The following THSD4 variants were observed in gnomAD, a reference collection of about 807,000 sequenced individuals.
THSD4 encodes the protein thrombospondin type 1 domain containing 4.
In THSD4, 69 loss-of-function variants were observed where a neutral mutation model predicts 119.0. The observed-to-expected ratio is 0.58, with a 90% CI of 0.48 to 0.71. The LOEUF (loss-of-function observed/expected upper bound fraction) is 0.71. Among genes scored for constraint, THSD4 ranks in the 30% least tolerant of loss-of-function variants. The pLI is 0.00. For synonymous variants in THSD4, 524 were observed against 540.4 expected, an observed-to-expected ratio of 0.97 and a Z score of 0.42; for missense variants, 1,393 against 1,391.1, an observed-to-expected ratio of 1.00 and a Z score of -0.02.
intron 8 of THSD4, among the ~76,000 whole-genome samples, chr15:71,716,590 G>GTT (rs11433832): frequency 0.022 from 3,190 of 143,730 alleles, 99 homozygotes; most frequent in African/African-American, 0.071. Flanking sequence ...GTTGGTTTTT[G>GTT]TTTTTTTTTT....
At position 71,115,837 on chromosome 15, in the gene THSD4, G is replaced by T. The variant is rs990112962; in HGVS notation, c.-80+139G>T. 6.6e-6 allele frequency: 1 copy of T among 151,486 alleles called. No homozygotes were observed. The highest frequency in any genetic ancestry group is 1.5e-5 in the Non-Finnish European group (1 of 67,806). 9.4% of individuals were successfully genotyped at this position (151,486 alleles called of 1,614,324 possible). A position where few individuals can be genotyped will look rare whatever the true frequency, so the allele number is the denominator to read the frequency against. On this transcript the variant is annotated intron_variant, in intron 1 of 17. Coordinates refer to ENST00000261862, the MANE Select transcript of THSD4 (RefSeq NM_024817.3). The surrounding 1 kb of genome is among the most constrained non-coding windows in gnomAD (Gnocchi z 4.4). The stretch of plus-strand genomic sequence containing the variant: ...GGGCTACCCAGTGGGTGTGTCCGGG[G>T]CGCCGCGGGCTGCGCCGCTCCGGGC...
At chr15:71,575,016 G>A (rs1325528900) in intron 7 of THSD4, among the ~76,000 whole-genome samples, 1 of 152,112 alleles carries the variant, frequency 6.6e-6, no homozygotes, top group Non-Finnish European at 1.5e-5. Flanking sequence ...GCCGTATATA[G>A]AGGAAGTTAT....
intron 5 of THSD4, among the ~76,000 whole-genome samples, chr15:71,250,378 T>A (rs1331126370): frequency 3.3e-5 from 5 of 152,204 alleles, no homozygotes; most frequent in Admixed American, 2.0e-4. Context: ...CACTGTGTTG[T>A]CCAGGTTGGA....
chr15:71,689,547 C>T (rs1348575489), intron 8 of THSD4, among the ~76,000 whole-genome samples: 1 of 152,180 alleles, frequency 6.6e-6, no homozygotes, highest in Admixed American at 6.5e-5. Context: ...ATCAGTAACC[C>T]ACAAAGGAGA....
chr15:71,728,380 A>T (rs1255972985), intron 8 of THSD4, among the ~76,000 whole-genome samples, 169 bp from the exon 9 acceptor site: 2 of 152,170 alleles, frequency 1.3e-5, no homozygotes, highest in Non-Finnish European at 2.9e-5. Flanking sequence ...GCCCAAGGGG[A>T]TGTAATCTAG....
intron 6 of THSD4, among the ~76,000 whole-genome samples, chr15:71,408,888 T>G (rs1432052391): frequency 6.6e-6 from 1 of 152,116 alleles, no homozygotes; most frequent in East Asian, 1.9e-4. Context: ...GGGTAGGAAG[T>G]CTATGCAGGG....
intron 4 of THSD4, among the ~76,000 whole-genome samples, chr15:71,234,166 A>G (rs941128311): frequency 5.3e-5 from 8 of 152,176 alleles, no homozygotes; most frequent in Non-Finnish European, 7.3e-5. Context: ...CATCCTAGTC[A>G]GGTGCTATGT....
At chr15:71,123,898 C>T (rs1184182915) in intron 1 of THSD4, among the ~76,000 whole-genome samples, 1 of 152,230 alleles carries the variant, frequency 6.6e-6, no homozygotes, top group Non-Finnish European at 1.5e-5. Context: ...GATATGGTCT[C>T]AAAACACATA....
rs71154789 is a variant in THSD4, at chr15:71,584,262, C to CTTTTTTTTTT, written c.1153-76254_1153-76245dup. On this transcript the variant is annotated intron_variant, in intron 7 of 17. Transcript: ENST00000261862. ...TCACGTGGATTTTTTTTTTCACTTT[C>CTTTTTTTTTT]TTTTTTTTTTTTTTTTTTTTTTTGA... Among the ~76,000 whole-genome samples, 509 of 61,798 alleles carry CTTTTTTTTTT rather than the reference C, an allele frequency of 8.2e-3. 26 individuals carry two copies. Among genetic ancestry groups the CTTTTTTTTTT allele is most frequent in the Non-Finnish European group, 0.011 (412 of 36,400 alleles). The allele number at this position is 61,798 out of a possible 152,430, so 40.5% of individuals were successfully genotyped here.
intron 7 of THSD4, among the ~76,000 whole-genome samples, chr15:71,481,266 C>T (rs979711603): frequency 2.6e-5 from 4 of 152,158 alleles, no homozygotes; most frequent in African/African-American, 7.2e-5. Flanking sequence ...TTTTGGAATA[C>T]TATATTATTA....
At chr15:71,756,518 C>T (rs2053541445) in intron 14 of THSD4, among the ~76,000 whole-genome samples, 3 of 152,198 alleles carry the variant, frequency 2.0e-5, no homozygotes, top group Admixed American at 2.0e-4. Flanking sequence ...TGTGGTGGCA[C>T]ACACCTGTAA....
intron 6 of THSD4, among the ~76,000 whole-genome samples, chr15:71,329,213 T>C (rs1042174565): frequency 7.2e-5 from 11 of 152,134 alleles, no homozygotes; most frequent in African/African-American, 2.7e-4. Flanking sequence ...TGACAGGTTG[T>C]ATCCATCATT....
intron 11 of THSD4, among the ~76,000 whole-genome samples, chr15:71,744,642 A>C (rs1349623595): frequency 6.6e-6 from 1 of 152,160 alleles, no homozygotes; most frequent in African/African-American, 2.4e-5. Context: ...CAAAATATAC[A>C]TGCACATATC....
chr15:71,225,965 T>G (rs1258324282), intron 4 of THSD4, among the ~76,000 whole-genome samples: 1 of 152,118 alleles, frequency 6.6e-6, no homozygotes, highest in Non-Finnish European at 1.5e-5. Flanking sequence ...TAAAGTGTTG[T>G]TCACACGTCT....
At chr15:71,097,560 T>A (rs974820197) in intron 1 of THSD4, among the ~76,000 whole-genome samples, 1 of 141,898 alleles carries the variant, frequency 7.0e-6, no homozygotes, top group Non-Finnish European at 1.5e-5. Context: ...AGCAAGACTC[T>A]GTCTCGAAAA....
At chr15:71,727,641 A>G (rs988311684) in intron 8 of THSD4, among the ~76,000 whole-genome samples, 21 of 144,904 alleles carry the variant, frequency 1.4e-4, no homozygotes, top group African/African-American at 5.0e-4. Flanking sequence ...ATGGTGGTAC[A>G]TGCCTATAGT....
chr15:71,335,594 A>G (rs1343468497), intron 6 of THSD4, among the ~76,000 whole-genome samples: 2 of 152,106 alleles, frequency 1.3e-5, no homozygotes, highest in South Asian at 2.1e-4. Flanking sequence ...GTGCGAGAGA[A>G]GGGTGGGAGG....
chr15:71,126,566 C>A (rs1338725468), intron 1 of THSD4, among the ~76,000 whole-genome samples: 1 of 152,204 alleles, frequency 6.6e-6, no homozygotes, highest in African/African-American at 2.4e-5. Flanking sequence ...TCACTCATCA[C>A]ACTGAGAACC....
chr15:71,687,604 A>C (rs1190308896), intron 8 of THSD4, among the ~76,000 whole-genome samples: 1 of 152,034 alleles, frequency 6.6e-6, no homozygotes, highest in Admixed American at 6.6e-5. Flanking sequence ...AAAATACAAA[A>C]ATTAGCCAGG....
Sources: gnomAD v4.1 joint callset for allele counts (sites outside exome capture counted in the v4.1 genomes callset) on GRCh38, gnomAD v4.1.1 for gene constraint, Gnocchi (gnomAD v3.1) non-coding constraint, MANE v1.5 for transcripts, NCBI Gene and HGNC (gene_info 2026-07-23, HGNC 2026-07-21) for gene names.